The following GRM8 variants were observed in gnomAD, a reference collection of about 807,000 sequenced individuals.
GRM8 encodes the protein metabotropic glutamate receptor 8.
Under a neutral mutation model 87.2 loss-of-function variants are expected in GRM8, and 47 were observed. The observed-to-expected ratio is 0.54, with a 90% confidence interval of 0.43 to 0.69. The LOEUF is 0.69. Among genes scored for constraint, GRM8 ranks in the 30% least tolerant of loss-of-function variants. GRM8 has a pLI of 0.00. For synonymous variants in GRM8, 396 were observed against 404.5 expected, an observed-to-expected ratio of 0.98 and a Z score of 0.25; for missense variants, 1,019 against 1,139.2, an observed-to-expected ratio of 0.89 and a Z score of 1.52.
At chr7:126,581,281 A>G (rs1189520658) in intron 8 of GRM8, among the ~76,000 whole-genome samples, 7 of 152,198 alleles carry the variant, frequency 4.6e-5, no homozygotes, top group Non-Finnish European at 7.4e-5. Flanking sequence ...CCAAAAGGGT[A>G]GCAGAATGGT....
At chr7:126,773,987 A>T (rs1348810346) in intron 6 of GRM8, among the ~76,000 whole-genome samples, 1 of 152,144 alleles carries the variant, frequency 6.6e-6, no homozygotes, top group Non-Finnish European at 1.5e-5. Context: ...TTGACTGTTG[A>T]TTAAACATAT....
chr7:126,915,958 A>C (rs1426902053), intron 3 of GRM8, among the ~76,000 whole-genome samples: 1 of 152,182 alleles, frequency 6.6e-6, no homozygotes, highest in East Asian at 1.9e-4. Flanking sequence ...TTGGTGAGTG[A>C]TTTGTGATCT....
At chr7:127,062,715 C>T (rs11771611) in intron 3 of GRM8, among the ~76,000 whole-genome samples, 38,933 of 151,976 alleles carry the variant, frequency 0.26, 5,873 homozygotes, top group Non-Finnish European at 0.35. Flanking sequence ...TTCAGGGAAT[C>T]ATTTTATTCC....
intron 3 of GRM8, among the ~76,000 whole-genome samples, chr7:127,077,618 T>G (rs1176485569): frequency 6.6e-6 from 1 of 152,234 alleles, no homozygotes; most frequent in Non-Finnish European, 1.5e-5. Flanking sequence ...TACGAGAGTA[T>G]GAGATATAGA....
At chr7:126,725,320 G>C (rs1812841322) in intron 7 of GRM8, among the ~76,000 whole-genome samples, 1 of 152,174 alleles carries the variant, frequency 6.6e-6, no homozygotes, top group South Asian at 2.1e-4. Flanking sequence ...ACATGCCCTT[G>C]TCAGGCCCCA....
intron 6 of GRM8, among the ~76,000 whole-genome samples, chr7:126,793,223 T>TA (rs1372093675): frequency 6.6e-6 from 1 of 152,168 alleles, no homozygotes; most frequent in Non-Finnish European, 1.5e-5. Context: ...ATCAATACTT[T>TA]AAAAAAATTA....
intron 2 of GRM8, among the ~76,000 whole-genome samples, chr7:127,139,021 C>T (rs950675035): frequency 3.3e-5 from 5 of 152,098 alleles, no homozygotes; most frequent in Non-Finnish European, 5.9e-5. Flanking sequence ...CAGATATATG[C>T]GACATGCCCA....
At chr7:127,106,754 T>C in intron 2 of GRM8, 42 bp from the exon 3 acceptor site, 1 of 1,367,404 alleles carries the variant, frequency 7.3e-7, no homozygotes, top group Admixed American at 1.7e-5. Context: ...ATGACGAATC[T>C]TGAAGAATGA....
intron 2 of GRM8, among the ~76,000 whole-genome samples, chr7:127,223,443 G>GCACACACACA (rs61674303): frequency 8.3e-5 from 12 of 144,074 alleles, no homozygotes; most frequent in Admixed American, 5.7e-4. Flanking sequence ...ACACACACAC[G>GCACACACACA]CACACACACA....
chr7:126,804,301 C>G (rs1331666315), intron 6 of GRM8, among the ~76,000 whole-genome samples: 1 of 152,206 alleles, frequency 6.6e-6, no homozygotes, highest in African/African-American at 2.4e-5. Context: ...GTTATCTTTC[C>G]AAATATTCCA....
intron 7 of GRM8, among the ~76,000 whole-genome samples, chr7:126,745,251 A>G (rs569303688): frequency 6.6e-6 from 1 of 151,842 alleles, no homozygotes; most frequent in Non-Finnish European, 1.5e-5. Flanking sequence ...TCTTATCTGT[A>G]TAGATTCAAT....
At chr7:126,986,168 C>T (rs1812045878) in intron 3 of GRM8, among the ~76,000 whole-genome samples, 1 of 151,954 alleles carries the variant, frequency 6.6e-6, no homozygotes, top group Non-Finnish European at 1.5e-5. Context: ...CATGTGCCAC[C>T]ACCCCTGACT....
intron 3 of GRM8, among the ~76,000 whole-genome samples, chr7:126,969,252 A>T (rs1204589): frequency 6.6e-6 from 1 of 152,092 alleles, no homozygotes; most frequent in African/African-American, 2.4e-5. Context: ...CAACAATAAA[A>T]CTTACTTCAT....
chr7:126,497,338 A>G (rs1040419807), intron 9 of GRM8, among the ~76,000 whole-genome samples: 13 of 152,012 alleles, frequency 8.6e-5, no homozygotes, highest in Non-Finnish European at 4.4e-5. Flanking sequence ...CTTGGGAGCA[A>G]CAACAGTGGA....
chr7:126,935,267 G>A (rs1248577979), intron 3 of GRM8, among the ~76,000 whole-genome samples: 3 of 152,072 alleles, frequency 2.0e-5, no homozygotes, highest in African/African-American at 4.8e-5. Context: ...TTAGGTTGAA[G>A]AGGGAAACTT....
chr7:126,814,625 AAT>A (rs1793602516), intron 6 of GRM8, among the ~76,000 whole-genome samples: 1 of 152,024 alleles, frequency 6.6e-6, no homozygotes, highest in Non-Finnish European at 1.5e-5. Context: ...TTTGTTTTTC[AAT>A]CTTCTTACCT....
At chr7:127,188,186 G>T (rs1794835625) in intron 2 of GRM8, among the ~76,000 whole-genome samples, 1 of 152,168 alleles carries the variant, frequency 6.6e-6, no homozygotes, top group Admixed American at 6.5e-5. Context: ...TATGACAGAA[G>T]CATTATTGAT....
intron 9 of GRM8, among the ~76,000 whole-genome samples, chr7:126,475,999 A>T (rs1756207112): frequency 2.0e-5 from 3 of 152,164 alleles, no homozygotes; most frequent in African/African-American, 7.2e-5. Context: ...TGAAACCTTA[A>T]AACTCTTTGC....
chr7:127,048,336 G>C (rs1563451317), intron 3 of GRM8, among the ~76,000 whole-genome samples: 5 of 152,220 alleles, frequency 3.3e-5, no homozygotes, highest in Middle Eastern at 3.2e-3. Context: ...ATGAAGCAGA[G>C]AGAATAGGAG....
Sources: allele counts gnomAD v4.1 joint callset (sites outside exome capture counted in the v4.1 genomes callset), GRCh38; gene constraint gnomAD v4.1.1; transcripts MANE v1.5; gene names NCBI Gene and HGNC (gene_info 2026-07-23, HGNC 2026-07-21).